IGFBP6: variants seen among roughly 807,000 people sequenced by gnomAD.
IGFBP6 encodes the protein insulin-like growth factor-binding protein 6.
A neutral mutation model predicts 24.5 loss-of-function variants in IGFBP6; 24 were observed. That is an observed-to-expected ratio of 0.98 (90% CI 0.71 to 1.38). The LOEUF is 1.38. Among genes scored for constraint, IGFBP6 ranks in the 40% most tolerant of loss-of-function variants. The probability of loss-of-function intolerance (pLI) is 0.00; values close to 1 mark genes in which losing one functional copy is unlikely to be tolerated. For synonymous variants in IGFBP6, 147 were observed against 137.4 expected, an observed-to-expected ratio of 1.07 and a Z score of -0.49; for missense variants, 331 against 324.8, an observed-to-expected ratio of 1.02 and a Z score of -0.15.
intron 3 of IGFBP6, 86 bp downstream of exon 3, chr12:53,101,246 T>C: frequency 7.4e-7 from 1 of 1,348,242 alleles, no homozygotes; most frequent in Non-Finnish European, 1.0e-6. Flanking sequence ...GCTGCATAAA[T>C]AAGACACTGC....
Position 53,102,102 on chromosome 12 carries a change from A to G in IGFBP6, c.658A>G (p.Lys220Glu), listed in dbSNP as rs372738760. 26 of 1,612,838 alleles carry G rather than the reference A, an allele frequency of 1.6e-5. No homozygotes were observed. In the African/African-American group the frequency reaches 3.5e-4, roughly 22 times the overall value. ...GPCWCVDRMG[K>E]SLPGSPDGNG... is the part of the protein sequence containing the mutation. Reference sequence around the variant, plus strand: ...CTGCTGGTGTGTGGATCGGATGGGCAAGTCCCTGCCAGGGTCTCCAGATGG... The same window carrying G: ...CTGCTGGTGTGTGGATCGGATGGGCGAGTCCCTGCCAGGGTCTCCAGATGG... Residue 220 changes from lysine (K) to glutamate (E), a missense_variant, in exon 4 of 4, where the codon AAG becomes GAG. Physicochemically the swap from Lys to Glu is moderately conservative, Grantham distance 56 (BLOSUM62 1). Transcript: ENST00000301464.
In IGFBP6 at chr12:53,101,145, C is replaced by T; in HGVS notation, c.585C>T (p.Phe195=). The change falls in exon 3 of 4, where the codon TTC becomes TTT. Residue 195 remains phenylalanine, a synonymous_variant. Coordinates refer to ENST00000301464, the MANE Select transcript of IGFBP6 (RefSeq NM_002178.3). The part of the protein sequence containing the change: ...LYVPNCDHRG[F]YRKRQCRSSQ... ...TGCCCAATTGTGACCATCGAGGCTTCTACCGGAAGCGGCAGGTGAGACTAT... is the reference window on the plus strand; with the variant it reads ...TGCCCAATTGTGACCATCGAGGCTTTTACCGGAAGCGGCAGGTGAGACTAT... 6.2e-7 allele frequency: 1 copy of T among 1,614,114 alleles called. No individual in the cohort carries two copies. Among genetic ancestry groups the T allele is most frequent in the Non-Finnish European group, 8.5e-7 (1 of 1,179,936 alleles).
In IGFBP6 at chr12:53,100,730, A is replaced by G. The variant is rs761225048; in HGVS notation, c.353A>G (p.Lys118Arg). 4 of 1,614,134 alleles carry G rather than the reference A, an allele frequency of 2.5e-6. No homozygotes were observed. The highest frequency in any genetic ancestry group is 3.4e-6 in the Non-Finnish European group (4 of 1,180,030). ...CCTCCAGTTGCAGAGGAGAATCCTA[A>G]GGAGAGTAAACCCCAAGCAGGCACT... Reference protein sequence around the residue: ...RAPAVAEENPKESKPQAGTAR... With the variant: ...RAPAVAEENPRESKPQAGTAR... Residue 118 changes from lysine (K) to arginine (R), a missense_variant, in exon 2 of 4, where the codon AAG becomes AGG. Transcript: ENST00000301464.
intron 3 of IGFBP6, 102 bp from the exon 4 acceptor site, chr12:53,101,943 A>G (rs2121239495): frequency 1.4e-6 from 1 of 722,830 alleles, no homozygotes; most frequent in South Asian, 1.9e-5. Flanking sequence ...ACCCCCGAGG[A>G]GACGCTCAGG....
At chr12:53,101,898 C>CA (rs57771658) in intron 3 of IGFBP6, 147 bp from the exon 4 acceptor site, 27,900 of 198,024 alleles carry the variant, frequency 0.14, 2,277 homozygotes, top group African/African-American at 0.3. Flanking sequence ...GACTCCATCT[C>CA]AAAAAAAAAA....
Position 53,101,120 on chromosome 12 carries a change from T to A in IGFBP6, c.560T>A (p.Val187Glu). 6.2e-7 allele frequency: 1 copy of A among 1,614,220 alleles called. No homozygotes were observed. Among genetic ancestry groups the A allele is most frequent in the Non-Finnish European group, 8.5e-7 (1 of 1,180,018 alleles). Residue 187 changes from valine (V) to glutamate (E), a missense_variant, in exon 3 of 4, where the codon GTG becomes GAG. Physicochemically the swap from Val to Glu is moderately radical, Grantham distance 121 (BLOSUM62 -2). Coordinates refer to ENST00000301464, the MANE Select transcript of IGFBP6 (RefSeq NM_002178.3). ...TACCGAGGGGCTCAAACACTCTACG[T>A]GCCCAATTGTGACCATCGAGGCTTC... Reference protein sequence around the residue: ...EVYRGAQTLYVPNCDHRGFYR... With the variant: ...EVYRGAQTLYEPNCDHRGFYR...
intron 3 of IGFBP6, among the ~76,000 whole-genome samples, chr12:53,101,541 G>A (rs1937828102): frequency 6.6e-6 from 1 of 152,124 alleles, no homozygotes. Context: ...ACGTCACTTT[G>A]AAAACTACTG....
rs150514703 is a variant in IGFBP6, at chr12:53,101,520, C to T, written c.600+360C>T. Among the ~76,000 whole-genome samples the T allele has an allele frequency of 5.9e-5, 9 of 152,198 alleles. No individual in the cohort carries two copies. In the East Asian group the frequency reaches 7.7e-4, roughly 13 times the overall value. ...ATTTCTAACATGTTCCCTCGTGATC[C>T]GGATTTGGGAACGTCACTTTGAAAA... On this transcript the variant is annotated intron_variant, in intron 3 of 3. Coordinates refer to ENST00000301464, the MANE Select transcript of IGFBP6 (RefSeq NM_002178.3).
Position 53,100,694 on chromosome 12 carries a change from C to T in IGFBP6, c.335-18C>T. ...TCTGCCTGATTTCTGACCTCTCCTT[C>T]TCCTATTCCTCCTCCAGTTGCAGAG... is the stretch of plus-strand genomic sequence containing the variant. On this transcript the variant is annotated intron_variant, in intron 1 of 3. Coordinates refer to ENST00000301464, the MANE Select transcript of IGFBP6 (RefSeq NM_002178.3). 2 of 1,613,716 alleles carry T rather than the reference C, an allele frequency of 1.2e-6. No individual in the cohort carries two copies. Among genetic ancestry groups the T allele is most frequent in the Non-Finnish European group, 1.7e-6 (2 of 1,179,884 alleles).
At position 53,097,915 on chromosome 12, in the gene IGFBP6, G is replaced by C; in HGVS notation, c.198G>C (p.Arg66Ser). 6.6e-7 allele frequency: 1 copy of C among 1,513,802 alleles called. No individual in the cohort carries two copies. Among genetic ancestry groups the C allele is most frequent in the East Asian group, 2.5e-5 (1 of 40,310 alleles). The allele number at this position is 1,513,802 out of a possible 1,614,324, so 93.8% of individuals were successfully genotyped here. ...CGGAAGCTGAGGGCTGTCTCAGGAG[G>C]GAGGGGCAGGAGTGCGGGGTCTACA... Reference protein sequence around the residue: ...GCAEAEGCLRREGQECGVYTP... With the variant: ...GCAEAEGCLRSEGQECGVYTP... The change falls in exon 1 of 4, where the codon AGG becomes AGC. Residue 66 changes from arginine (R) to serine (S), a missense_variant. By Grantham distance (110) the Arg-to-Ser change is moderately radical. Transcript: ENST00000301464.
intron 1 of IGFBP6, chr12:53,099,284 A>G (rs1424962686): frequency 4.4e-6 from 2 of 455,206 alleles, no homozygotes; most frequent in Admixed American, 4.7e-5. Context: ...CTCTCCCCGG[A>G]CCCTCCGGAA....
rs373046828 is a variant in IGFBP6, at chr12:53,100,869, G to A, written c.480+12G>A. The A allele has an allele frequency of 3.1e-6, 5 of 1,613,968 alleles. No homozygotes were observed. Among genetic ancestry groups the A allele is most frequent in the Middle Eastern group, 1.6e-4 (1 of 6,082 alleles). On this transcript the variant is annotated intron_variant, in intron 2 of 3. Coordinates refer to ENST00000301464, the MANE Select transcript of IGFBP6 (RefSeq NM_002178.3). ...AAGACACTGAGATGGTGCGTTTGGA[G>A]CTGGTAGGGAGCAGGAGGGGTGGGA...
chr12:53,099,612 G>A (rs974647154), intron 1 of IGFBP6, among the ~76,000 whole-genome samples: 1 of 152,074 alleles, frequency 6.6e-6, no homozygotes. Flanking sequence ...CCGGCTTCGT[G>A]CGCCCCCTTC....
intron 3 of IGFBP6, among the ~76,000 whole-genome samples, chr12:53,101,634 T>G (rs2121238505): frequency 6.6e-6 from 1 of 152,190 alleles, no homozygotes; most frequent in East Asian, 1.9e-4. Context: ...GTGCGGTGTC[T>G]CATGCCTGTA....
intron 1 of IGFBP6, among the ~76,000 whole-genome samples, chr12:53,100,445 A>G (rs1425003436): frequency 6.6e-6 from 1 of 152,256 alleles, no homozygotes; most frequent in Non-Finnish European, 1.5e-5. Context: ...TACAGGCGTG[A>G]GCCATTGCAC....
intron 3 of IGFBP6, 130 bp downstream of exon 3, chr12:53,101,290 C>A: frequency 1.1e-6 from 1 of 904,576 alleles, no homozygotes; most frequent in Non-Finnish European, 1.7e-6. Flanking sequence ...TTTAGGAGAA[C>A]ATAGAGAATA....
intron 3 of IGFBP6, 25 bp from the exon 4 acceptor site, chr12:53,102,020 C>G: frequency 6.2e-7 from 1 of 1,610,586 alleles, no homozygotes; most frequent in Non-Finnish European, 8.5e-7. Context: ...GGCCTCACTC[C>G]TGACCTGTGT....
intron 2 of IGFBP6, 67 bp from the exon 3 acceptor site, chr12:53,100,974 G>A (rs1937817058): frequency 2.3e-5 from 37 of 1,604,300 alleles, no homozygotes; most frequent in Non-Finnish European, 3.2e-5. Flanking sequence ...CTTGCCTGGT[G>A]GGCCAGAAGG....
At chr12:53,101,613 C>T (rs1348080295) in intron 3 of IGFBP6, among the ~76,000 whole-genome samples, 1 of 152,088 alleles carries the variant, frequency 6.6e-6, no homozygotes, top group Admixed American at 6.5e-5. Context: ...AGAGAGGGAA[C>T]ACTGGGCCGG....
Sources: allele counts gnomAD v4.1 joint callset (sites outside exome capture counted in the v4.1 genomes callset), GRCh38; gene constraint gnomAD v4.1.1; transcripts MANE v1.5; gene names NCBI Gene and HGNC (gene_info 2026-07-23, HGNC 2026-07-21).